The following PHF10 variants were observed in gnomAD, a reference collection of about 807,000 sequenced individuals.
PHF10 encodes PHD finger protein 10, also known as BRG1-associated factor 45a.
PHF10 carries 51 observed loss-of-function variants against 68.5 expected under a neutral mutation model. That is an observed-to-expected ratio of 0.74 (90% CI 0.59 to 0.94). The LOEUF (loss-of-function observed/expected upper bound fraction) is 0.94. Ranked by LOEUF, PHF10 falls within the 40% of genes least tolerant of loss-of-function variation. PHF10 has a pLI of 0.00. For synonymous variants in PHF10, 204 were observed against 203.5 expected (o/e 1.00, Z -0.02); for missense variants, 460 against 602.6 (o/e 0.76, Z 2.48).
Position 169,704,009 on chromosome 6 carries a change from C to A in PHF10, c.1491G>T (p.Glu497Asp), listed in dbSNP as rs757890809. 2 of 1,600,300 alleles carry A rather than the reference C, an allele frequency of 1.2e-6. No individual in the cohort carries two copies. The highest frequency in any genetic ancestry group is 4.5e-5 in the East Asian group (2 of 44,044). Reference sequence around the variant, plus strand: ...ATTAGAGTCAAAAACTATTTTATCCCTCTTTGCTGTTTTTCCCCCTTCTGC... The same window carrying A: ...ATTAGAGTCAAAAACTATTTTATCCATCTTTGCTGTTTTTCCCCCTTCTGC... Reference protein sequence around the residue: ...KVGRRGKNSKEG With the variant: ...KVGRRGKNSKDG The change falls in exon 12 of 12, where the codon GAG becomes GAT. Residue 497 changes from glutamate to aspartate, a missense_variant. By Grantham distance (45) the Glu-to-Asp change is conservative. This residue lies in a region of PHF10 where 111 missense variants were observed against 109.7 expected (regional missense o/e 1.01). Transcript: ENST00000339209.
intron 1 of PHF10, among the ~76,000 whole-genome samples, chr6:169,723,265 A>G (rs1042512626): frequency 1.3e-5 from 2 of 152,206 alleles, no homozygotes; most frequent in Admixed American, 1.3e-4. Flanking sequence ...GATGCGTGAC[A>G]CTACTGCTCA....
At chr6:169,717,960 TA>T in intron 3 of PHF10, 54 bp from the exon 4 acceptor site, 1 of 749,002 alleles carries the variant, frequency 1.3e-6, no homozygotes, top group Non-Finnish European at 2.2e-6. Flanking sequence ...TATGCACTTG[TA>T]AAACTTTTAA....
chr6:169,723,857 C>G lies in PHF10; in HGVS notation c.75G>C (p.Ala25=), dbSNP rs1331735996. The stretch of plus-strand genomic sequence containing the variant: ...GCCGCTTCCTCACCTTCGGGGACTG[C>G]GCTCCGGGGGTGGCTGGGTCGCTGT... ...PCDSDPATPG[A]QSPKDDNEDN... Residue 25 remains alanine (A), a synonymous_variant, in exon 1 of 12, where the codon GCG becomes GCC. Transcript: ENST00000339209. The G allele has an allele frequency of 1.7e-5, 19 of 1,086,730 alleles. 1 individual carries two copies. In the South Asian group the frequency reaches 6.6e-4, roughly 38 times the overall value. The allele number at this position is 1,086,730 out of a possible 1,614,324, so 67.3% of individuals were successfully genotyped here.
chr6:169,716,099 C>A lies in PHF10; in HGVS notation c.410-11G>T. 1 of 1,521,890 alleles carries A rather than the reference C, an allele frequency of 6.6e-7. No homozygotes were observed. Among genetic ancestry groups the A allele is most frequent in the Non-Finnish European group, 8.8e-7 (1 of 1,132,624 alleles). The allele number at this position is 1,521,890 out of a possible 1,614,324, so 94.3% of individuals were successfully genotyped here. On this transcript the variant is annotated splice_polypyrimidine_tract_variant and intron_variant, in intron 4 of 11. Transcript: ENST00000339209. Reference sequence around the variant, plus strand: ...GCAATGCTGTTAAGCCTATTTTAGACCAAAAAATAAAAAAATAAAGAAGCT... The same window carrying A: ...GCAATGCTGTTAAGCCTATTTTAGAACAAAAAATAAAAAAATAAAGAAGCT...
intron 10 of PHF10, 38 bp downstream of exon 10, chr6:169,705,578 C>T (rs757463898): frequency 3.4e-5 from 35 of 1,038,842 alleles, no homozygotes; most frequent in Admixed American, 2.9e-4. Context: ...CCAATAAATA[C>T]GGTGGTTAAA....
rs373524033 is a variant in PHF10, at chr6:169,708,530, T to C, written c.1113+1706A>G. 1.1e-4 allele frequency: 16 copies of C among 152,290 alleles called. No individual in the cohort carries two copies. The East Asian group carries it at 2.7e-3, about 26-fold the overall frequency. The allele number at this position is 152,290 out of a possible 1,614,324, so 9.4% of individuals were successfully genotyped here. On this transcript the variant is annotated intron_variant, in intron 9 of 11. Coordinates refer to ENST00000339209, the MANE Select transcript of PHF10 (RefSeq NM_018288.4). ...TAATAAGCATGTTCACATTAATGTATGATGACTAGATACTGGTTGTTCCCA... is the reference window on the plus strand; with the variant it reads ...TAATAAGCATGTTCACATTAATGTACGATGACTAGATACTGGTTGTTCCCA...
intron 6 of PHF10, among the ~76,000 whole-genome samples, chr6:169,715,439 C>A (rs372226323): frequency 2.0e-5 from 3 of 152,024 alleles, no homozygotes; most frequent in Admixed American, 2.0e-4. Context: ...TGGTGGCAGG[C>A]GCCTGTAATC....
At chr6:169,723,811 G>T in intron 1 of PHF10, 34 bp downstream of exon 1, 1 of 757,278 alleles carries the variant, frequency 1.3e-6, no homozygotes, top group Non-Finnish European at 1.7e-6. Context: ...CCCGGGACGG[G>T]GTCAGGGTCG....
chr6:169,716,209 A>C, intron 4 of PHF10, 121 bp from the exon 5 acceptor site: 1 of 515,388 alleles, frequency 1.9e-6, no homozygotes, highest in Middle Eastern at 3.0e-4. Context: ...CAATAGCCAA[A>C]GCAAAATATC....
At chr6:169,711,189 C>T (rs2128329637) in intron 8 of PHF10, among the ~76,000 whole-genome samples, 1 of 151,860 alleles carries the variant, frequency 6.6e-6, no homozygotes, top group East Asian at 1.9e-4. Context: ...CCTCATTGTG[C>T]CCTCATTTTT....
At position 169,705,615 on chromosome 6, in the gene PHF10, C is replaced by G. The variant is rs747986925; in HGVS notation, c.1222+1G>C. On this transcript the variant is annotated splice_donor_variant, in intron 10 of 11. Transcript: ENST00000339209. LOFTEE classifies it high-confidence loss of function. ...TTTTAAAAAGACATTTCAATACTTA[C>G]CACTATTCTCACATTGGGAGCAGTG... 7.5e-7 allele frequency: 1 copy of G among 1,326,486 alleles called. No individual in the cohort carries two copies. Among genetic ancestry groups the G allele is most frequent in the Non-Finnish European group, 1.1e-6 (1 of 918,112 alleles). The allele number at this position is 1,326,486 out of a possible 1,614,324, so 82.2% of individuals were successfully genotyped here.
rs532553860 is a variant in PHF10 at position 169,716,154 on chromosome 6, T to C, written c.410-66A>G. 1.2e-4 allele frequency: 139 copies of C among 1,142,276 alleles called. No homozygotes were observed. The African/African-American group carries it at 1.8e-3, about 15-fold the overall frequency. The allele number at this position is 1,142,276 out of a possible 1,614,324, so 70.8% of individuals were successfully genotyped here. A position where few individuals can be genotyped will look rare whatever the true frequency, so the allele number is the denominator to read the frequency against. ...TAAGGATAAGTGAACAAAAGCACTC[T>C]TCAAAATTTAATTCTTCAAACCGCT... On this transcript the variant is annotated intron_variant, in intron 4 of 11. Coordinates refer to ENST00000339209, the MANE Select transcript of PHF10 (RefSeq NM_018288.4).
Position 169,716,053 on chromosome 6 carries a change from A to C in PHF10, c.445T>G (p.Leu149Val). ...TTGGCTGGATATTCTTTTATCATTA[A>C]ATCAATCACTTCATCACTGCGCAAT... is the stretch of plus-strand genomic sequence containing the variant. The part of the protein sequence containing the change: ...TALRSDEVID[L>V]MIKEYPAKHA... Residue 149 changes from leucine to valine, a missense_variant, in exon 5 of 12, where the codon TTA becomes GTA. Coordinates refer to ENST00000339209, the MANE Select transcript of PHF10 (RefSeq NM_018288.4). The C allele has an allele frequency of 1.2e-6, 2 of 1,608,850 alleles. No homozygotes were observed.
intron 9 of PHF10, among the ~76,000 whole-genome samples, chr6:169,706,692 G>A (rs1206693653): frequency 6.7e-6 from 1 of 148,520 alleles, no homozygotes; most frequent in African/African-American, 2.5e-5. Context: ...CATGGGCCAA[G>A]AATGAAATGG....
At chr6:169,705,077 G>A in intron 11 of PHF10, 56 bp downstream of exon 11, 1 of 1,347,956 alleles carries the variant, frequency 7.4e-7, no homozygotes, top group South Asian at 1.4e-5. Flanking sequence ...GCCTTTTGGA[G>A]TGCTGGGAGA....
intron 4 of PHF10, among the ~76,000 whole-genome samples, chr6:169,717,214 A>G (rs1258910376): frequency 6.6e-6 from 1 of 152,198 alleles, no homozygotes; most frequent in African/African-American, 2.4e-5. Context: ...GCGCCACTGC[A>G]TGCCAGCCTG....
Position 169,717,863 on chromosome 6 carries a change from C to A in PHF10, c.369G>T (p.Leu123=). 3.8e-6 allele frequency: 6 copies of A among 1,570,630 alleles called. No individual in the cohort carries two copies. The highest frequency in any genetic ancestry group is 5.2e-6 in the Non-Finnish European group (6 of 1,146,316). ...RDLSHKEKLY[L]RELNVITETQ... ...TTTCAGTAATGACATTTAGCTCTCTCAGGTAGAGTTTCTCCTTGTGAGACA... is the reference window on the plus strand; with the variant it reads ...TTTCAGTAATGACATTTAGCTCTCTAAGGTAGAGTTTCTCCTTGTGAGACA... The change falls in exon 4 of 12, where the codon CTG becomes CTT. Residue 123 remains leucine, a synonymous_variant. Transcript: ENST00000339209.
At chr6:169,716,609 T>G (rs1287951822) in intron 4 of PHF10, among the ~76,000 whole-genome samples, 4 of 151,998 alleles carry the variant, frequency 2.6e-5, no homozygotes, top group African/African-American at 9.7e-5. Flanking sequence ...TCCCAAGAAT[T>G]TATATAAAAA....
intron 11 of PHF10, 56 bp from the exon 12 acceptor site, chr6:169,704,144 T>G (rs1463312249): frequency 2.2e-6 from 3 of 1,336,282 alleles, no homozygotes; most frequent in Admixed American, 2.7e-5. Flanking sequence ...GACTGAATTT[T>G]AAGCCCATCT....
Sources: gnomAD v4.1 joint callset for allele counts (sites outside exome capture counted in the v4.1 genomes callset) on GRCh38, gnomAD v4.1.1 for gene constraint, gnomAD v4.1.1 regional missense constraint, MANE v1.5 for transcripts, NCBI Gene and HGNC (gene_info 2026-07-23, HGNC 2026-07-21) for gene names.